The following EXOC6B variants were observed in gnomAD, a reference collection of about 807,000 sequenced individuals.
The protein encoded by EXOC6B is exocyst complex component 6B, also known as SEC15 homolog B.
EXOC6B carries 54 observed loss-of-function variants against 113.5 expected under a neutral mutation model. The observed-to-expected ratio is 0.48, with a 90% CI of 0.38 to 0.60. The LOEUF (loss-of-function observed/expected upper bound fraction) is 0.60, where lower values mean the gene tolerates loss of function less well. Ranked by LOEUF, EXOC6B falls within the 20% of genes least tolerant of loss-of-function variation. The probability of loss-of-function intolerance (pLI) is 0.00; values close to 1 mark genes in which losing one functional copy is unlikely to be tolerated. For synonymous variants in EXOC6B, 357 were observed against 339.0 expected, an observed-to-expected ratio of 1.05 and a Z score of -0.58; for missense variants, 797 against 977.5, an observed-to-expected ratio of 0.82 and a Z score of 2.46.
rs183099127 is a variant in EXOC6B, at chr2:72,288,062, C to A, written c.2196+46885G>T. ...CTTCAAAAATAAGGTATCAAAATGG[C>A]CAATTAACATATGAAAGGTTGCTCA... On this transcript the variant is annotated intron_variant, in intron 20 of 21. Coordinates refer to ENST00000272427, the MANE Select transcript of EXOC6B (RefSeq NM_015189.3). Among the ~76,000 whole-genome samples the A allele has an allele frequency of 5.4e-3, 825 of 152,030 alleles. 8 individuals are homozygous for A. The highest frequency in any genetic ancestry group is 0.019 in the African/African-American group (790 of 41,420).
At chr2:72,308,082 A>G (rs1686993821) in intron 20 of EXOC6B, among the ~76,000 whole-genome samples, 1 of 152,200 alleles carries the variant, frequency 6.6e-6, no homozygotes, top group South Asian at 2.1e-4. Flanking sequence ...ATATAATTGA[A>G]TAGGTAAAGA....
intron 6 of EXOC6B, among the ~76,000 whole-genome samples, chr2:72,705,423 G>A (rs960235669): frequency 6.6e-6 from 1 of 152,096 alleles, no homozygotes; most frequent in Non-Finnish European, 1.5e-5. Context: ...GCACAAGACA[G>A]GGATGCCCTC....
intron 20 of EXOC6B, among the ~76,000 whole-genome samples, chr2:72,266,169 A>T (rs978475220): frequency 2.0e-5 from 3 of 151,758 alleles, no homozygotes; most frequent in Non-Finnish European, 4.4e-5. Flanking sequence ...TTGCCAGATG[A>T]GTAGGTTGCG....
chr2:72,576,765 C>T lies in EXOC6B; in HGVS notation c.670-1097G>A, dbSNP rs181163132. ...AGAAACTTGTTTAATCTGGTTTAAC[C>T]CAGCATGTTCCAAAAACATTTCCCA... On this transcript the variant is annotated intron_variant, in intron 6 of 21. Coordinates refer to ENST00000272427, the MANE Select transcript of EXOC6B (RefSeq NM_015189.3). Among the ~76,000 whole-genome samples, 24 of 152,148 alleles carry T rather than the reference C, an allele frequency of 1.6e-4. No individual in the cohort carries two copies. The East Asian group carries it at 4.1e-3, about 26-fold the overall frequency.
intron 8 of EXOC6B, among the ~76,000 whole-genome samples, chr2:72,525,814 C>T (rs1284805586): frequency 6.6e-6 from 1 of 152,086 alleles, no homozygotes; most frequent in Non-Finnish European, 1.5e-5. Flanking sequence ...ATACCAGTTA[C>T]AACTAAGGGT....
At chr2:72,545,381 G>A (rs889387670) in intron 8 of EXOC6B, among the ~76,000 whole-genome samples, 2 of 151,428 alleles carry the variant, frequency 1.3e-5, no homozygotes, top group Non-Finnish European at 2.9e-5. Context: ...ATCGACTATC[G>A]AAAATACACC....
intron 20 of EXOC6B, among the ~76,000 whole-genome samples, chr2:72,258,370 T>G (rs938632595): frequency 1.4e-5 from 2 of 146,856 alleles, no homozygotes; most frequent in Non-Finnish European, 3.0e-5. Flanking sequence ...TCTTTTTTTT[T>G]TTTTTTTTTT....
At chr2:72,780,574 T>G (rs1253166732) in intron 1 of EXOC6B, among the ~76,000 whole-genome samples, 1 of 152,210 alleles carries the variant, frequency 6.6e-6, no homozygotes, top group Non-Finnish European at 1.5e-5. Context: ...TCATGTAACT[T>G]GGCAAGCTGT....
At chr2:72,398,363 A>G (rs1257397326) in intron 18 of EXOC6B, among the ~76,000 whole-genome samples, 1 of 152,070 alleles carries the variant, frequency 6.6e-6, no homozygotes, top group East Asian at 1.9e-4. Flanking sequence ...AACTGAACCT[A>G]CACATTGACT....
intron 5 of EXOC6B, among the ~76,000 whole-genome samples, chr2:72,722,889 T>C (rs567825169): frequency 6.6e-6 from 1 of 152,378 alleles, no homozygotes; most frequent in Non-Finnish European, 1.5e-5. Context: ...TGGCTCATGC[T>C]GAAAACATCT....
chr2:72,340,441 A>T (rs1027570466), intron 19 of EXOC6B, among the ~76,000 whole-genome samples: 1 of 152,198 alleles, frequency 6.6e-6, no homozygotes, highest in Non-Finnish European at 1.5e-5. Flanking sequence ...AGTATGTAAA[A>T]TAGCAATTTT....
chr2:72,451,654 C>CTGTGTGTGTGTGTGTGTGTGTG (rs141514102), intron 18 of EXOC6B, among the ~76,000 whole-genome samples: 12 of 142,494 alleles, frequency 8.4e-5, no homozygotes, highest in African/African-American at 2.9e-4. Context: ...GTCTTTGTGC[C>CTGTGTGTGTGTGTGTGTGTGTG]TGTGTGTGTG....
intron 20 of EXOC6B, among the ~76,000 whole-genome samples, chr2:72,236,153 A>G (rs1681945338): frequency 6.6e-6 from 1 of 152,200 alleles, no homozygotes; most frequent in African/African-American, 2.4e-5. Flanking sequence ...TCCTCTCCTT[A>G]CTAGAGCAGG....
intron 20 of EXOC6B, among the ~76,000 whole-genome samples, chr2:72,295,909 T>C (rs773296165): frequency 3.4e-4 from 51 of 152,114 alleles, no homozygotes; most frequent in South Asian, 2.1e-4. Flanking sequence ...AAAGAGATCA[T>C]ACAAAAGAGG....
At chr2:72,728,362 C>T (rs1228276329) in intron 5 of EXOC6B, among the ~76,000 whole-genome samples, 4 of 152,118 alleles carry the variant, frequency 2.6e-5, no homozygotes, top group African/African-American at 9.7e-5. Flanking sequence ...ATAGCAACAT[C>T]TAAAAAACAA....
chr2:72,347,300 AG>A (rs1469911563), intron 19 of EXOC6B, among the ~76,000 whole-genome samples: 1 of 152,182 alleles, frequency 6.6e-6, no homozygotes, highest in Non-Finnish European at 1.5e-5. Flanking sequence ...CTGAGAGATG[AG>A]AAAGACTGGT....
intron 17 of EXOC6B, among the ~76,000 whole-genome samples, chr2:72,472,903 C>T (rs1698497975): frequency 6.6e-6 from 1 of 152,068 alleles, no homozygotes; most frequent in Non-Finnish European, 1.5e-5. Context: ...TTCCAAAAAA[C>T]ATTTATTTCC....
intron 1 of EXOC6B, among the ~76,000 whole-genome samples, chr2:72,785,222 C>T (rs1224773903): frequency 6.6e-6 from 1 of 152,236 alleles, no homozygotes; most frequent in Non-Finnish European, 1.5e-5. Context: ...CAGCCTCCCT[C>T]TCAGCTGCTT....
chr2:72,190,859 C>G (rs1310528975), intron 20 of EXOC6B, among the ~76,000 whole-genome samples: 1 of 152,108 alleles, frequency 6.6e-6, no homozygotes, highest in Non-Finnish European at 1.5e-5. Flanking sequence ...AAGGGACAGA[C>G]CAGACATTAC....
Sources: gnomAD v4.1 joint callset for allele counts (sites outside exome capture counted in the v4.1 genomes callset) on GRCh38, gnomAD v4.1.1 for gene constraint, MANE v1.5 for transcripts, NCBI Gene and HGNC (gene_info 2026-07-23, HGNC 2026-07-21) for gene names.